The following SDK1 variants were observed in gnomAD, a reference collection of about 807,000 sequenced individuals.
The protein encoded by SDK1 is protein sidekick-1.
In SDK1, 157 loss-of-function variants were observed where a neutral mutation model predicts 245.5. The ratio of observed to expected loss-of-function variants is 0.64; its 90% CI spans 0.56 to 0.73. SDK1 has a LOEUF of 0.73. SDK1 is among the 30% of genes least tolerant of loss of function. The pLI is 0.00. For missense variants in SDK1, 3,583 were observed against 3,002.3 expected, an observed-to-expected ratio of 1.19 and a Z score of -4.52; for synonymous variants, 1,647 against 1,278.5, an observed-to-expected ratio of 1.29 and a Z score of -6.15.
chr7:3,468,029 A>C (rs1781063773), intron 1 of SDK1, among the ~76,000 whole-genome samples: 1 of 152,168 alleles, frequency 6.6e-6, no homozygotes, highest in South Asian at 2.1e-4. Flanking sequence ...TTTATAATGT[A>C]ATCTATGCAA....
At chr7:4,102,777 G>A (rs894310660) in intron 22 of SDK1, among the ~76,000 whole-genome samples, 2 of 152,134 alleles carry the variant, frequency 1.3e-5, no homozygotes, top group Non-Finnish European at 2.9e-5. Context: ...GGCCAGACCT[G>A]GGAGTGGGCA....
intron 5 of SDK1, among the ~76,000 whole-genome samples, chr7:3,912,400 T>C (rs948160321): frequency 6.6e-6 from 1 of 152,246 alleles, no homozygotes; most frequent in African/African-American, 2.4e-5. Flanking sequence ...GCACTCAGTG[T>C]TTTTGCATGA....
At chr7:3,718,979 C>T (rs372028479) in intron 4 of SDK1, among the ~76,000 whole-genome samples, 16 of 152,228 alleles carry the variant, frequency 1.1e-4, no homozygotes, top group South Asian at 2.1e-4. Flanking sequence ...TATAATAACG[C>T]GTGGAAACCA....
intron 1 of SDK1, among the ~76,000 whole-genome samples, chr7:3,536,613 G>A (rs992298665): frequency 6.6e-6 from 1 of 151,856 alleles, no homozygotes; most frequent in Non-Finnish European, 1.5e-5. Context: ...AGAATTGCTC[G>A]AACGTGGGAG....
intron 1 of SDK1, among the ~76,000 whole-genome samples, chr7:3,504,335 A>G (rs998039240): frequency 6.6e-6 from 1 of 151,800 alleles, no homozygotes; most frequent in Non-Finnish European, 1.5e-5. Context: ...CAGTGATAAT[A>G]CAAGGGACCC....
At chr7:3,779,913 T>C (rs1372115984) in intron 4 of SDK1, among the ~76,000 whole-genome samples, 2 of 123,462 alleles carry the variant, frequency 1.6e-5, no homozygotes, top group African/African-American at 6.6e-5. Flanking sequence ...CAGTCCGGCC[T>C]GGGCGACAGA....
chr7:3,763,066 T>C (rs987596790), intron 4 of SDK1, among the ~76,000 whole-genome samples: 8 of 152,150 alleles, frequency 5.3e-5, no homozygotes, highest in East Asian at 1.9e-4. Context: ...TGTGTCAACA[T>C]AGGACATTAT....
chr7:3,977,682 G>A (rs953985884), intron 13 of SDK1, among the ~76,000 whole-genome samples: 6 of 152,218 alleles, frequency 3.9e-5, no homozygotes, highest in Non-Finnish European at 5.9e-5. Context: ...TTCCCTGCGC[G>A]CAGCTGATCC....
chr7:3,755,126 G>C (rs890309696), intron 4 of SDK1, among the ~76,000 whole-genome samples: 1 of 152,174 alleles, frequency 6.6e-6, no homozygotes, highest in African/African-American at 2.4e-5. Context: ...CAGCCAGAGG[G>C]GTGGGAAAGC....
intron 5 of SDK1, among the ~76,000 whole-genome samples, chr7:3,870,654 C>G (rs550718226): frequency 6.6e-6 from 1 of 152,134 alleles, no homozygotes; most frequent in African/African-American, 2.4e-5. Flanking sequence ...CCCATATACC[C>G]TTCTTTCAGT....
At chr7:3,374,569 T>A (rs1232927533) in intron 1 of SDK1, among the ~76,000 whole-genome samples, 1 of 152,144 alleles carries the variant, frequency 6.6e-6, no homozygotes, top group Non-Finnish European at 1.5e-5. Flanking sequence ...GTCTTCCAAT[T>A]TAACCTACAC....
intron 19 of SDK1, among the ~76,000 whole-genome samples, chr7:4,062,917 A>G (rs886611729): frequency 1.3e-5 from 2 of 152,232 alleles, no homozygotes; most frequent in African/African-American, 4.8e-5. Flanking sequence ...CCTTTATAAT[A>G]AAAACTCTCA....
intron 1 of SDK1, among the ~76,000 whole-genome samples, chr7:3,485,124 C>A (rs543775653): frequency 6.6e-6 from 1 of 152,216 alleles, no homozygotes; most frequent in Admixed American, 6.5e-5. Flanking sequence ...TCACCAAGAC[C>A]GTATGAACAT....
intron 5 of SDK1, among the ~76,000 whole-genome samples, chr7:3,879,849 C>G (rs10241703): frequency 2.6e-5 from 4 of 151,952 alleles, no homozygotes; most frequent in African/African-American, 7.3e-5. Flanking sequence ...TTAACCTTTG[C>G]GCGGCTGTCA....
chr7:3,337,286 C>G (rs1033322832), intron 1 of SDK1, among the ~76,000 whole-genome samples: 1 of 151,588 alleles, frequency 6.6e-6, no homozygotes, highest in African/African-American at 2.4e-5. Flanking sequence ...TGAATGGGCT[C>G]AATAGAGTGG....
intron 4 of SDK1, among the ~76,000 whole-genome samples, chr7:3,701,818 C>T (rs1409592484): frequency 6.7e-6 from 1 of 148,150 alleles, no homozygotes; most frequent in African/African-American, 2.5e-5. Context: ...GAAATAGGCC[C>T]ACATAAGTAC....
intron 4 of SDK1, among the ~76,000 whole-genome samples, chr7:3,786,108 C>T (rs571993386): frequency 2.0e-5 from 3 of 152,228 alleles, no homozygotes; most frequent in African/African-American, 7.2e-5. Context: ...TCCTTAAGTC[C>T]TCCTTGTTTG....
chr7:4,238,562 C>CT (rs58934751), intron 42 of SDK1, among the ~76,000 whole-genome samples: 40,600 of 144,688 alleles, frequency 0.28, 5,810 homozygotes, highest in African/African-American at 0.35. Flanking sequence ...GATCCTGTCT[C>CT]TTTTTTTTTT....
At chr7:4,015,580 C>T (rs143073512) in intron 16 of SDK1, among the ~76,000 whole-genome samples, 10 of 152,330 alleles carry the variant, frequency 6.6e-5, no homozygotes, top group African/African-American at 1.9e-4. Context: ...CATCATGCTA[C>T]GTCGGTGATC....
Sources: allele counts gnomAD v4.1 joint callset (sites outside exome capture counted in the v4.1 genomes callset), GRCh38; gene constraint gnomAD v4.1.1; transcripts MANE v1.5; gene names NCBI Gene and HGNC (gene_info 2026-07-23, HGNC 2026-07-21).